The following PTPRK variants were observed in gnomAD, a reference collection of about 807,000 sequenced individuals.
PTPRK encodes the protein receptor-type tyrosine-protein phosphatase kappa.
A neutral mutation model predicts 178.0 loss-of-function variants in PTPRK; 75 were observed. The ratio of observed to expected loss-of-function variants is 0.42; its 90% confidence interval spans 0.35 to 0.51. The LOEUF is 0.51. Ranked by LOEUF, PTPRK falls within the 20% of genes least tolerant of loss-of-function variation. The probability of loss-of-function intolerance (pLI) is 0.02; values close to 1 mark genes in which losing one functional copy is unlikely to be tolerated. For missense variants in PTPRK, 1,441 were observed against 1,797.8 expected (o/e 0.80, Z 3.59); for synonymous variants, 637 against 620.6 (o/e 1.03, Z -0.39).
At chr6:128,115,507 CATAAAA>C (rs1007412156) in intron 7 of PTPRK, among the ~76,000 whole-genome samples, 5 of 151,832 alleles carry the variant, frequency 3.3e-5, no homozygotes, top group Admixed American at 6.6e-5. Context: ...AAAAGCTGAT[CATAAAA>C]ATAAAATTAG....
At chr6:128,300,039 A>G (rs1345060132) in intron 3 of PTPRK, among the ~76,000 whole-genome samples, 3 of 152,176 alleles carry the variant, frequency 2.0e-5, no homozygotes, top group Admixed American at 6.6e-5. Flanking sequence ...AAAAACAAAC[A>G]ACCCCAACAA....
chr6:128,183,397 G>A (rs146437912), intron 7 of PTPRK, among the ~76,000 whole-genome samples: 5 of 152,254 alleles, frequency 3.3e-5, no homozygotes, highest in Admixed American at 2.6e-4. Context: ...TCAACAACCA[G>A]ATAAATATAT....
intron 6 of PTPRK, among the ~76,000 whole-genome samples, chr6:128,208,160 T>C (rs940482386): frequency 3.9e-5 from 6 of 151,940 alleles, no homozygotes; most frequent in African/African-American, 1.5e-4. Context: ...CCAAATTGAG[T>C]GGGGATTTTA....
intron 1 of PTPRK, among the ~76,000 whole-genome samples, chr6:128,465,689 C>T (rs950811689): frequency 2.6e-5 from 4 of 152,128 alleles, no homozygotes; most frequent in Non-Finnish European, 5.9e-5. Context: ...CTCAACTTGT[C>T]ACTTATTTTT....
chr6:128,101,478 T>G (rs1788769823), intron 7 of PTPRK, among the ~76,000 whole-genome samples: 1 of 152,114 alleles, frequency 6.6e-6, no homozygotes, highest in African/African-American at 2.4e-5. Flanking sequence ...ATACATCATT[T>G]AATATAATAG....
At chr6:128,189,272 A>G (rs1294090975) in intron 6 of PTPRK, among the ~76,000 whole-genome samples, 1 of 108,208 alleles carries the variant, frequency 9.2e-6, no homozygotes, top group Non-Finnish European at 1.7e-5. Context: ...ACAGAGTCTC[A>G]TCTGTTACCC....
In PTPRK at chr6:128,428,944, C is replaced by T. The variant is rs1296295390; in HGVS notation, c.101-31256G>A. Among the ~76,000 whole-genome samples the T allele has an allele frequency of 5.3e-5, 8 of 152,128 alleles. No homozygotes were observed. In the South Asian group the frequency reaches 6.2e-4, roughly 12 times the overall value. ...TGTAGGCTAATGTAAATGTTCTGAA[C>T]ATATTTAAGGTGGAATAAGCTAGGT... On this transcript the variant is annotated intron_variant, in intron 1 of 29. Transcript: ENST00000368226.
At chr6:128,233,642 T>C (rs1307731579) in intron 5 of PTPRK, among the ~76,000 whole-genome samples, 1 of 152,250 alleles carries the variant, frequency 6.6e-6, no homozygotes, top group Non-Finnish European at 1.5e-5. Flanking sequence ...CTAGCAATGA[T>C]GAGCCTCACC....
chr6:128,000,345 A>T (rs1777677119), intron 15 of PTPRK: 1 of 1,268,820 alleles, frequency 7.9e-7, no homozygotes, highest in Non-Finnish European at 1.0e-6. Flanking sequence ...AGAAGGGAAA[A>T]AAAAAAGAAC....
At chr6:128,253,232 A>C (rs17055499) in intron 3 of PTPRK, among the ~76,000 whole-genome samples, 10,682 of 152,248 alleles carry the variant, frequency 0.07, 1,027 homozygotes, top group African/African-American at 0.22. Context: ...GGAAAAACCA[A>C]AAAGGCAATT....
intron 1 of PTPRK, among the ~76,000 whole-genome samples, chr6:128,400,556 A>G (rs979977582): frequency 4.6e-5 from 7 of 152,206 alleles, no homozygotes; most frequent in Admixed American, 1.3e-4. Flanking sequence ...ACATTAAAAA[A>G]ATGGTAATAA....
intron 3 of PTPRK, among the ~76,000 whole-genome samples, chr6:128,281,494 G>C (rs957979667): frequency 5.3e-5 from 8 of 152,138 alleles, no homozygotes; most frequent in African/African-American, 1.4e-4. Flanking sequence ...AAGTTGATAA[G>C]TTAGTTTTCC....
intron 1 of PTPRK, among the ~76,000 whole-genome samples, chr6:128,435,158 C>A (rs1845428834): frequency 6.6e-6 from 1 of 151,432 alleles, no homozygotes; most frequent in South Asian, 2.1e-4. Context: ...GGCAGGCAGG[C>A]AGGCAGGCAG....
chr6:128,477,656 CAAAGA>C (rs1480757620), intron 1 of PTPRK, among the ~76,000 whole-genome samples: 4 of 151,782 alleles, frequency 2.6e-5, no homozygotes, highest in Non-Finnish European at 5.9e-5. Context: ...TTAAAAGCAC[CAAAGA>C]AAAGACTACT....
intron 6 of PTPRK, among the ~76,000 whole-genome samples, chr6:128,187,313 T>G (rs894632232): frequency 6.6e-6 from 1 of 152,136 alleles, no homozygotes; most frequent in Non-Finnish European, 1.5e-5. Flanking sequence ...ACAACATTAA[T>G]TCCAACATTT....
intron 2 of PTPRK, among the ~76,000 whole-genome samples, chr6:128,338,789 G>C (rs1223465109): frequency 6.6e-6 from 1 of 152,104 alleles, no homozygotes; most frequent in Non-Finnish European, 1.5e-5. Flanking sequence ...GTTAAGGATG[G>C]CTGAAAAGGT....
rs139061354 is a variant in PTPRK at position 128,076,355 on chromosome 6, G to T, written c.1883+2458C>A. Among the ~76,000 whole-genome samples the T allele has an allele frequency of 2.3e-3, 356 of 152,096 alleles. 1 individual carries two copies. The highest frequency in any genetic ancestry group is 8.1e-3 in the African/African-American group (337 of 41,506). On this transcript the variant is annotated intron_variant, in intron 11 of 29. Coordinates refer to ENST00000368226, the MANE Select transcript of PTPRK (RefSeq NM_002844.4). ...AGAAAGACAGCACAAAGGATTCAGA[G>T]GGTAAAGGAGGCAGGGCTCATCTGA...
Position 127,973,169 on chromosome 6 carries a change from G to T in PTPRK, c.4134-12C>A, listed in dbSNP as rs1386670539. The T allele has an allele frequency of 6.2e-7, 1 of 1,613,512 alleles. No homozygotes were observed. Among genetic ancestry groups the T allele is most frequent in the Non-Finnish European group, 8.5e-7 (1 of 1,179,732 alleles). On this transcript the variant is annotated splice_polypyrimidine_tract_variant and intron_variant, in intron 28 of 29. Coordinates refer to ENST00000368226, the MANE Select transcript of PTPRK (RefSeq NM_002844.4). The stretch of plus-strand genomic sequence containing the variant: ...GCCCGCCACCATTTCTGAAAGCAAA[G>T]AAAGCAAAGGCATTTTAGATAGCAG...
chr6:128,238,651 A>C (rs1813806550), intron 5 of PTPRK, among the ~76,000 whole-genome samples: 1 of 152,220 alleles, frequency 6.6e-6, no homozygotes, highest in African/African-American at 2.4e-5. Flanking sequence ...ACTATTATTT[A>C]GGCATAGGAA....
Sources: gnomAD v4.1 joint callset for allele counts (sites outside exome capture counted in the v4.1 genomes callset) on GRCh38, gnomAD v4.1.1 for gene constraint, MANE v1.5 for transcripts, NCBI Gene and HGNC (gene_info 2026-07-23, HGNC 2026-07-21) for gene names.